The following DOCK1 variants were observed in gnomAD, a reference collection of about 807,000 sequenced individuals.
DOCK1 encodes dedicator of cytokinesis protein 1.
DOCK1 carries 138 observed loss-of-function variants against 262.7 expected under a neutral mutation model. That is an observed-to-expected ratio of 0.53 (90% confidence interval 0.46 to 0.61). DOCK1 has a LOEUF of 0.61. DOCK1 is among the 20% of genes least tolerant of loss of function. The pLI is 0.00. For missense variants in DOCK1, 1,908 were observed against 2,370.7 expected (o/e 0.80, Z 4.05); for synonymous variants, 866 against 867.4 (o/e 1.00, Z 0.03).
chr10:126,979,821 G>A (rs965942631), intron 3 of DOCK1, among the ~76,000 whole-genome samples: 2 of 152,148 alleles, frequency 1.3e-5, no homozygotes, highest in African/African-American at 4.8e-5. Context: ...TAGGAATCCT[G>A]GCACCACGTG....
intron 30 of DOCK1, among the ~76,000 whole-genome samples, chr10:127,341,057 TGTTA>T (rs938000614): frequency 2.6e-5 from 4 of 152,234 alleles, no homozygotes; most frequent in African/African-American, 9.6e-5. Flanking sequence ...TACTGTTTTG[TGTTA>T]GTTAGGATCT....
intron 28 of DOCK1, among the ~76,000 whole-genome samples, chr10:127,248,761 T>C (rs1175279328): frequency 5.3e-5 from 8 of 152,208 alleles, no homozygotes; most frequent in Non-Finnish European, 1.0e-4. Context: ...AAGATTCCAT[T>C]TCTAAGGATC....
chr10:126,913,645 C>A (rs1336186871), intron 1 of DOCK1, among the ~76,000 whole-genome samples: 1 of 152,198 alleles, frequency 6.6e-6, no homozygotes, highest in African/African-American at 2.4e-5. Flanking sequence ...CTGCAGTTAT[C>A]CACATGCCCA....
At chr10:127,195,527 C>G (rs1017386255) in intron 27 of DOCK1, among the ~76,000 whole-genome samples, 1 of 151,992 alleles carries the variant, frequency 6.6e-6, no homozygotes, top group African/African-American at 2.4e-5. Context: ...AACTCATCCC[C>G]CCCCCGAAGT....
At chr10:127,348,674 T>C (rs2063751722) in intron 31 of DOCK1, among the ~76,000 whole-genome samples, 6 of 152,154 alleles carry the variant, frequency 3.9e-5, no homozygotes, top group Admixed American at 3.9e-4. Context: ...TTTTTTGTAA[T>C]TATAGAAGTC....
rs2048188047 is a variant in DOCK1, at chr10:127,100,655, G to A, written c.2446-5576G>A. 6.6e-6 allele frequency among the ~76,000 whole-genome samples: 1 copy of A among 152,126 alleles called. No homozygotes were observed. Among genetic ancestry groups the A allele is most frequent in the Non-Finnish European group, 1.5e-5 (1 of 67,990 alleles). The stretch of plus-strand genomic sequence containing the variant: ...GGAACCCACAGGCAAGGGGCTGGGG[G>A]AGCAGGGCCCTGCGCAGGGAGCTGG... On this transcript the variant is annotated intron_variant, in intron 23 of 51. Transcript: ENST00000623213. The surrounding 1 kb of genome is among the most constrained non-coding windows in gnomAD (Gnocchi z 5.5).
At chr10:126,923,372 C>T (rs1385708992) in intron 1 of DOCK1, among the ~76,000 whole-genome samples, 4 of 152,056 alleles carry the variant, frequency 2.6e-5, no homozygotes, top group Admixed American at 1.3e-4. Context: ...GCCTGTAATC[C>T]CAGCACTTTG....
chr10:126,905,950 G>C (rs1270003361), intron 1 of DOCK1, among the ~76,000 whole-genome samples: 1 of 152,122 alleles, frequency 6.6e-6, no homozygotes, highest in African/African-American at 2.4e-5. Flanking sequence ...AAGCCCAGGG[G>C]TCACTGTCTC....
In DOCK1 at chr10:126,996,761, G is replaced by T; in HGVS notation, c.487G>T (p.Asp163Tyr). 6.2e-7 allele frequency: 1 copy of T among 1,610,952 alleles called. No individual in the cohort carries two copies. Among genetic ancestry groups the T allele is most frequent in the Non-Finnish European group, 8.5e-7 (1 of 1,178,966 alleles). The change falls in exon 7 of 52, where the codon GAC becomes TAC. Residue 163 changes from aspartate to tyrosine, a missense_variant. By Grantham distance (160) the Asp-to-Tyr change is radical. Around this residue, in one of 9 missense-constraint regions of DOCK1, gnomAD observed 227 missense variants for 254.1 expected, o/e 0.89. Transcript: ENST00000623213. ...TTGTTGTTCTAGAATTCTAGATTTG[G>T]ACCTGGTGGTTAGAGATGAAGATGG... ...IDYGNRILDL[D>Y]LVVRDEDGNI...
chr10:127,241,613 G>T (rs549617942), intron 27 of DOCK1, among the ~76,000 whole-genome samples: 6 of 152,180 alleles, frequency 3.9e-5, no homozygotes, highest in Admixed American at 3.3e-4. Flanking sequence ...TCTTTGGCTG[G>T]TCATTTTCAC....
At chr10:127,074,139 A>C (rs1201955597) in intron 23 of DOCK1, among the ~76,000 whole-genome samples, 1 of 152,248 alleles carries the variant, frequency 6.6e-6, no homozygotes, top group Non-Finnish European at 1.5e-5. Context: ...AATTTCATTA[A>C]AATTGTTTTT....
intron 27 of DOCK1, among the ~76,000 whole-genome samples, chr10:127,226,051 C>T (rs12247838): frequency 0.016 from 2,236 of 142,870 alleles, 57 homozygotes; most frequent in African/African-American, 0.055. Context: ...GCACTCCAGC[C>T]GGGGCGATAG....
chr10:127,257,130 G>A lies in DOCK1; in HGVS notation c.2950-205G>A, dbSNP rs576816221. On this transcript the variant is annotated intron_variant, in intron 28 of 51. Coordinates refer to ENST00000623213, the MANE Select transcript of DOCK1 (RefSeq NM_001290223.2). Reference sequence around the variant, plus strand: ...AGGGACTGTTTCAGAATATATTCTTGAAGAAGCCGTCTCAGACAGGAGGTG... The same window carrying A: ...AGGGACTGTTTCAGAATATATTCTTAAAGAAGCCGTCTCAGACAGGAGGTG... Among the ~76,000 whole-genome samples, 41 of 152,288 alleles carry A rather than the reference G, an allele frequency of 2.7e-4. No individual in the cohort carries two copies. The Middle Eastern group carries it at 0.014, about 51-fold the overall frequency.
chr10:126,948,516 C>G (rs1408160530), intron 1 of DOCK1, among the ~76,000 whole-genome samples: 2 of 151,782 alleles, frequency 1.3e-5, no homozygotes, highest in African/African-American at 2.4e-5. Context: ...TCCAGCCGGG[C>G]CTTTTGAGGG....
At chr10:127,341,618 G>T (rs1338871757) in intron 30 of DOCK1, among the ~76,000 whole-genome samples, 1 of 152,062 alleles carries the variant, frequency 6.6e-6, no homozygotes, top group Non-Finnish European at 1.5e-5. Context: ...TGACTTGCTG[G>T]GTAGATTCCC....
chr10:127,338,318 G>A (rs1370001630), intron 29 of DOCK1, among the ~76,000 whole-genome samples: 1 of 152,184 alleles, frequency 6.6e-6, no homozygotes. Flanking sequence ...CTAGAGTCAC[G>A]TGTGATCGCC....
Position 127,121,274 on chromosome 10 carries a change from C to A in DOCK1, c.2624-4200C>A, listed in dbSNP as rs996094120. On this transcript the variant is annotated intron_variant, in intron 25 of 51. Transcript: ENST00000623213. ...TGGATTATTTGTTGGCTTCCCAGGC[C>A]ATCTGTTTTGGAACTAATGGGACTA... Among the ~76,000 whole-genome samples, 5 of 150,014 alleles carry A rather than the reference C, an allele frequency of 3.3e-5. No homozygotes were observed. In the East Asian group the frequency reaches 9.8e-4, roughly 30 times the overall value.
At chr10:127,010,845 T>G (rs2041377200) in intron 11 of DOCK1, among the ~76,000 whole-genome samples, 1 of 152,254 alleles carries the variant, frequency 6.6e-6, no homozygotes, top group South Asian at 2.1e-4. Context: ...TGCTGTATTA[T>G]ATATTAGACC....
At chr10:127,234,437 GAC>G (rs1237575655) in intron 27 of DOCK1, among the ~76,000 whole-genome samples, 1 of 151,952 alleles carries the variant, frequency 6.6e-6, no homozygotes, top group Non-Finnish European at 1.5e-5. Flanking sequence ...CCCTCCAAAA[GAC>G]ACAAAAATAA....
Sources: allele counts gnomAD v4.1 joint callset (sites outside exome capture counted in the v4.1 genomes callset), GRCh38; gene constraint gnomAD v4.1.1; regional missense constraint gnomAD v4.1.1; non-coding constraint Gnocchi (gnomAD v3.1); transcripts MANE v1.5; gene names NCBI Gene and HGNC (gene_info 2026-07-23, HGNC 2026-07-21).